The following PPM1E variants were observed in gnomAD, a reference collection of about 807,000 sequenced individuals.
PPM1E encodes the protein protein phosphatase 1E.
A neutral mutation model predicts 65.9 loss-of-function variants in PPM1E; 20 were observed. That is an observed-to-expected ratio of 0.30 (90% CI 0.21 to 0.44). The LOEUF is 0.44. Among genes scored for constraint, PPM1E ranks in the 20% least tolerant of loss-of-function variants. The pLI is 1.00. For synonymous variants in PPM1E, 352 were observed against 374.9 expected (o/e 0.94, Z 0.70); for missense variants, 713 against 953.1 (o/e 0.75, Z 3.32).
At chr17:58,828,576 T>C (rs2050566091) in intron 1 of PPM1E, among the ~76,000 whole-genome samples, 1 of 151,494 alleles carries the variant, frequency 6.6e-6, no homozygotes, top group Non-Finnish European at 1.5e-5. Flanking sequence ...GTGATTCTCC[T>C]GCCTCAGCCT....
At chr17:58,958,069 G>GTT (rs2029907288) in intron 2 of PPM1E, among the ~76,000 whole-genome samples, 1 of 152,116 alleles carries the variant, frequency 6.6e-6, no homozygotes, top group Non-Finnish European at 1.5e-5. Flanking sequence ...CTTGAGCCCA[G>GTT]GAGTTCAAGG....
intron 1 of PPM1E, among the ~76,000 whole-genome samples, chr17:58,789,246 T>C (rs753275362): frequency 3.9e-5 from 6 of 152,198 alleles, no homozygotes; most frequent in Non-Finnish European, 8.8e-5. Flanking sequence ...CATTTCAGTA[T>C]ATCCAATAAA....
At chr17:58,782,410 T>TG (rs2050059478) in intron 1 of PPM1E, among the ~76,000 whole-genome samples, 1 of 151,690 alleles carries the variant, frequency 6.6e-6, no homozygotes, top group Admixed American at 6.6e-5. Context: ...TTTTTGTTTT[T>TG]TTTTTTTTTG....
intron 1 of PPM1E, among the ~76,000 whole-genome samples, chr17:58,839,107 T>C (rs2050691788): frequency 6.6e-6 from 1 of 152,124 alleles, no homozygotes; most frequent in African/African-American, 2.4e-5. Context: ...GTACATGACA[T>C]TATGCATTTG....
At chr17:58,827,610 T>C (rs999299491) in intron 1 of PPM1E, among the ~76,000 whole-genome samples, 21 of 151,946 alleles carry the variant, frequency 1.4e-4, no homozygotes, top group African/African-American at 5.1e-4. Flanking sequence ...ATTTAAAAAA[T>C]AATTGGCCAG....
chr17:58,821,698 A>G (rs1010834791), intron 1 of PPM1E, among the ~76,000 whole-genome samples: 3 of 152,180 alleles, frequency 2.0e-5, no homozygotes, highest in African/African-American at 4.8e-5. Context: ...AAGAGATGGA[A>G]ATAGAGTAAT....
chr17:58,806,974 G>C (rs2050322427), intron 1 of PPM1E, among the ~76,000 whole-genome samples: 1 of 151,968 alleles, frequency 6.6e-6, no homozygotes, highest in African/African-American at 2.4e-5. Flanking sequence ...CAAAGGCTGG[G>C]ATTCCAGGTG....
intron 1 of PPM1E, among the ~76,000 whole-genome samples, chr17:58,776,516 C>G (rs2049996138): frequency 2.0e-5 from 3 of 152,082 alleles, no homozygotes; most frequent in African/African-American, 7.2e-5. Flanking sequence ...ACTAGTTTTT[C>G]TCTACAAAAA....
At chr17:58,864,791 C>T (rs2050981570) in intron 1 of PPM1E, among the ~76,000 whole-genome samples, 1 of 151,888 alleles carries the variant, frequency 6.6e-6, no homozygotes, top group Admixed American at 6.6e-5. Context: ...CAAAAATTAG[C>T]CGGGTGTGGT....
intron 1 of PPM1E, among the ~76,000 whole-genome samples, chr17:58,760,442 T>G (rs956455957): frequency 1.3e-5 from 2 of 152,200 alleles, no homozygotes; most frequent in Non-Finnish European, 2.9e-5. Context: ...GACTTCTCCT[T>G]TCACCTCTCA....
chr17:58,802,375 T>G (rs1019795653), intron 1 of PPM1E, among the ~76,000 whole-genome samples: 4 of 152,220 alleles, frequency 2.6e-5, no homozygotes, highest in African/African-American at 9.6e-5. Flanking sequence ...CTTTCTATTC[T>G]GTTCCATTGG....
chr17:58,908,741 C>G (rs2051588489), intron 1 of PPM1E, among the ~76,000 whole-genome samples: 1 of 152,032 alleles, frequency 6.6e-6, no homozygotes, highest in African/African-American at 2.4e-5. Flanking sequence ...TGCCGAGCCA[C>G]TTTTTATACT....
chr17:58,922,150 A>G (rs1184729579), intron 1 of PPM1E, among the ~76,000 whole-genome samples: 3 of 151,754 alleles, frequency 2.0e-5, no homozygotes, highest in Admixed American at 2.0e-4. Flanking sequence ...ATTTTTTTCA[A>G]TGAGGAGAGG....
At chr17:58,812,542 A>G (rs1305216639) in intron 1 of PPM1E, among the ~76,000 whole-genome samples, 3 of 151,870 alleles carry the variant, frequency 2.0e-5, no homozygotes, top group Non-Finnish European at 4.4e-5. Flanking sequence ...TTAACCATGA[A>G]TAGCACACAC....
At chr17:58,842,776 TA>T (rs2050732526) in intron 1 of PPM1E, among the ~76,000 whole-genome samples, 1 of 151,796 alleles carries the variant, frequency 6.6e-6, no homozygotes, top group Non-Finnish European at 1.5e-5. Flanking sequence ...TTGTCTCTAC[TA>T]AAAATACAAA....
intron 1 of PPM1E, among the ~76,000 whole-genome samples, chr17:58,800,344 A>G (rs1362658913): frequency 6.6e-6 from 1 of 152,118 alleles, no homozygotes; most frequent in Non-Finnish European, 1.5e-5. Flanking sequence ...AAATATTTAC[A>G]TCTTTGTTCA....
At position 58,804,666 on chromosome 17, in the gene PPM1E, TATGAATAAATTTGAGAAA is replaced by T. The variant is rs1262853427; in HGVS notation, c.464+48208_464+48225del. 3.9e-5 allele frequency among the ~76,000 whole-genome samples: 6 copies of T among 152,352 alleles called. No homozygotes were observed. The East Asian group carries it at 1.2e-3, about 29-fold the overall frequency. ...TTGCTCAGGTATAATAGTTATTTGA[TATGAATAAATTTGAGAAA>T]ATATTATTTAAAATATACTCTGTTA... On this transcript the variant is annotated intron_variant, in intron 1 of 6. Transcript: ENST00000308249.
rs34002789 is a variant in PPM1E, at chr17:58,784,504, CT to C, written c.464+28058del. The stretch of plus-strand genomic sequence containing the variant: ...TCCTTTACCCTCCTCCCCCCCACCA[CT>C]TTTTTTTTTTTTTTGAGACGGAGTC... On this transcript the variant is annotated intron_variant, in intron 1 of 6. Coordinates refer to ENST00000308249, the MANE Select transcript of PPM1E (RefSeq NM_014906.5). Among the ~76,000 whole-genome samples the C allele has an allele frequency of 1.7e-3, 227 of 137,168 alleles. 1 individual carries two copies. Among genetic ancestry groups the C allele is most frequent in the African/African-American group, 3.8e-3 (143 of 37,888 alleles). The allele number at this position is 137,168 out of a possible 152,430, so 90.0% of individuals were successfully genotyped here.
At chr17:58,858,047 AC>A (rs2050901416) in intron 1 of PPM1E, among the ~76,000 whole-genome samples, 2 of 152,264 alleles carry the variant, frequency 1.3e-5, no homozygotes, top group South Asian at 4.1e-4. Context: ...TCCATAAAAA[AC>A]GTCATTGTTA....
Sources: gnomAD v4.1 joint callset for allele counts (sites outside exome capture counted in the v4.1 genomes callset) on GRCh38, gnomAD v4.1.1 for gene constraint, MANE v1.5 for transcripts, NCBI Gene and HGNC (gene_info 2026-07-23, HGNC 2026-07-21) for gene names.